Variants in C10orf90 observed in about 807,000 individuals in gnomAD.
The protein encoded by C10orf90 is chromosome 10 open reading frame 90.
C10orf90 carries 56 observed loss-of-function variants against 62.5 expected under a neutral mutation model. That is an observed-to-expected ratio of 0.90 (90% CI 0.72 to 1.12). The LOEUF is 1.12. C10orf90 is among the 50% of genes most tolerant of loss of function. The probability of loss-of-function intolerance (pLI) is 0.00; values close to 1 mark genes in which losing one functional copy is unlikely to be tolerated. For missense variants in C10orf90, 970 were observed against 880.4 expected (o/e 1.10, Z -1.29); for synonymous variants, 386 against 340.4 (o/e 1.13, Z -1.47).
chr10:126,530,316 G>T (rs572523637), intron 2 of C10orf90, among the ~76,000 whole-genome samples: 3 of 151,068 alleles, frequency 2.0e-5, no homozygotes, highest in Non-Finnish European at 4.4e-5. Context: ...AAAGTTAAAA[G>T]GCAGTTCTTA....
At position 126,670,630 on chromosome 10, in the gene C10orf90, C is replaced by A. The variant is rs1591189484; in HGVS notation, c.-150G>T. On this transcript the variant is annotated 5_prime_UTR_variant, in exon 1 of 10. Transcript: ENST00000488181. ...TTTCCAACTCCAGAGCTAGTTGTCT[C>A]AATATCCCAGCTACATTTGTGAAGG... 2 of 331,240 alleles carry A rather than the reference C, an allele frequency of 6.0e-6. No homozygotes were observed. Among genetic ancestry groups the A allele is most frequent in the South Asian group, 4.5e-5 (2 of 44,470 alleles). 20.5% of individuals were successfully genotyped at this position (331,240 alleles called of 1,614,324 possible). A position where few individuals can be genotyped will look rare whatever the true frequency, so the allele number is the denominator to read the frequency against.
chr10:126,619,400 C>T (rs1845603562), intron 2 of C10orf90, among the ~76,000 whole-genome samples: 1 of 152,324 alleles, frequency 6.6e-6, no homozygotes, highest in South Asian at 2.1e-4. Context: ...CCAGTTCTTA[C>T]TCCTTCAAGC....
chr10:126,471,961 A>G (rs7897106), intron 4 of C10orf90, among the ~76,000 whole-genome samples: 24,245 of 152,060 alleles, frequency 0.16, 2,011 homozygotes, highest in Middle Eastern at 0.23. Context: ...ACTCATGCCC[A>G]TTTCCTAATA....
intron 2 of C10orf90, among the ~76,000 whole-genome samples, chr10:126,613,633 G>A (rs1845484049): frequency 6.6e-6 from 1 of 152,186 alleles, no homozygotes; most frequent in Non-Finnish European, 1.5e-5. Context: ...GAAAAGCCAA[G>A]TCCTCCCCAG....
At position 126,642,918 on chromosome 10, in the gene C10orf90, C is replaced by T. The variant is rs79068743; in HGVS notation, c.313+3647G>A. On this transcript the variant is annotated intron_variant, in intron 2 of 9. Transcript: ENST00000488181. The stretch of plus-strand genomic sequence containing the variant: ...CCTGAGTTCCCTACCTTATGAATGA[C>T]AGCACTATCTATCCAGGAACATCTT... Among the ~76,000 whole-genome samples the T allele has an allele frequency of 2.9e-3, 448 of 152,308 alleles. 5 individuals are homozygous for T. The highest frequency in any genetic ancestry group is 9.7e-3 in the African/African-American group (402 of 41,568).
chr10:126,603,739 G>A (rs888651917), intron 2 of C10orf90, among the ~76,000 whole-genome samples: 4 of 152,140 alleles, frequency 2.6e-5, no homozygotes, highest in African/African-American at 9.7e-5. Flanking sequence ...CAGTTCTTAG[G>A]TGATAGGGAA....
intron 7 of C10orf90, among the ~76,000 whole-genome samples, chr10:126,450,178 A>G (rs947177804): frequency 6.6e-6 from 1 of 152,174 alleles, no homozygotes; most frequent in Admixed American, 6.5e-5. Flanking sequence ...AAGAAACTGA[A>G]GACATAATTA....
chr10:126,467,137 A>G (rs1396454095), intron 4 of C10orf90, among the ~76,000 whole-genome samples: 1 of 152,152 alleles, frequency 6.6e-6, no homozygotes, highest in Admixed American at 6.5e-5. Flanking sequence ...TCTATCTATC[A>G]TCTATCTATC....
rs376051663 is a variant in C10orf90, at chr10:126,643,627, C to T, written c.313+2938G>A. ...GGTCCGCACGCTCTTGCTGCCAGGG[C>T]CCAAGTAGCAACCTTGGTTCCTGTC... On this transcript the variant is annotated intron_variant, in intron 2 of 9. Coordinates refer to ENST00000488181, the MANE Select transcript of C10orf90 (RefSeq NM_001350921.2). 3.0e-3 allele frequency among the ~76,000 whole-genome samples: 460 copies of T among 152,298 alleles called. 1 individual carries two copies. The highest frequency in any genetic ancestry group is 0.011 in the African/African-American group (442 of 41,572).
chr10:126,431,860 G>A (rs929959559), intron 7 of C10orf90, among the ~76,000 whole-genome samples: 1 of 151,968 alleles, frequency 6.6e-6, no homozygotes, highest in African/African-American at 2.4e-5. Context: ...TGATTCCCAA[G>A]AGGAAACAAC....
chr10:126,589,426 G>C (rs1346653308), intron 2 of C10orf90, among the ~76,000 whole-genome samples: 1 of 152,052 alleles, frequency 6.6e-6, no homozygotes, highest in Non-Finnish European at 1.5e-5. Context: ...ATGTCGAAAT[G>C]AAAGAAATAA....
rs1189516920 is a variant in C10orf90 at position 126,563,841 on chromosome 10, C to G, written c.314-49902G>C. Reference sequence around the variant, plus strand: ...CGACCGAGGATCAGCCAGTAGCAGCCCTGCCTTCAAGTGGCTCACAGTCCT... The same window carrying G: ...CGACCGAGGATCAGCCAGTAGCAGCGCTGCCTTCAAGTGGCTCACAGTCCT... On this transcript the variant is annotated intron_variant, in intron 2 of 9. Coordinates refer to ENST00000488181, the MANE Select transcript of C10orf90 (RefSeq NM_001350921.2). 2.6e-5 allele frequency among the ~76,000 whole-genome samples: 4 copies of G among 152,358 alleles called. No individual in the cohort carries two copies. In the East Asian group the frequency reaches 7.7e-4, roughly 29 times the overall value.
intron 2 of C10orf90, among the ~76,000 whole-genome samples, chr10:126,566,024 C>T (rs1844379215): frequency 6.6e-6 from 1 of 152,164 alleles, no homozygotes; most frequent in Non-Finnish European, 1.5e-5. Context: ...ACCCTATTGT[C>T]ATTAGTTATG....
intron 2 of C10orf90, among the ~76,000 whole-genome samples, chr10:126,595,943 A>T (rs1845075901): frequency 6.6e-6 from 1 of 152,072 alleles, no homozygotes; most frequent in Non-Finnish European, 1.5e-5. Context: ...ACCTCACACC[A>T]CACATGAAAA....
At chr10:126,649,584 T>C (rs1430007722) in intron 1 of C10orf90, among the ~76,000 whole-genome samples, 2 of 152,224 alleles carry the variant, frequency 1.3e-5, no homozygotes, top group African/African-American at 4.8e-5. Context: ...GTGTCTCTCC[T>C]GACATTGCCT....
intron 2 of C10orf90, among the ~76,000 whole-genome samples, chr10:126,560,928 A>G (rs1362704001): frequency 6.6e-6 from 1 of 152,256 alleles, no homozygotes; most frequent in Non-Finnish European, 1.5e-5. Context: ...TGCTTAGCTC[A>G]GAGGTCTTAC....
intron 2 of C10orf90, among the ~76,000 whole-genome samples, chr10:126,565,142 ATTAAATATGTAATATAATAT>A (rs1844320030): frequency 2.0e-5 from 1 of 50,670 alleles, no homozygotes; most frequent in Non-Finnish European, 3.6e-5. Context: ...TAAATATAAT[ATTAAATATGTAATATAATAT>A]TTATATTACA....
chr10:126,662,792 T>A (rs992864152), intron 1 of C10orf90, among the ~76,000 whole-genome samples: 1 of 150,040 alleles, frequency 6.7e-6, no homozygotes, highest in Non-Finnish European at 1.5e-5. Flanking sequence ...GATGGGTGCC[T>A]CCGTGCATTC....
At chr10:126,429,278 G>A (rs948906181) in intron 8 of C10orf90, among the ~76,000 whole-genome samples, 9 of 152,220 alleles carry the variant, frequency 5.9e-5, no homozygotes, top group African/African-American at 1.9e-4. Context: ...CAGCATGGCC[G>A]CCAGGTCTGC....
Sources: gnomAD v4.1 joint callset for allele counts (sites outside exome capture counted in the v4.1 genomes callset) on GRCh38, gnomAD v4.1.1 for gene constraint, MANE v1.5 for transcripts, NCBI Gene and HGNC (gene_info 2026-07-23, HGNC 2026-07-21) for gene names.